Variants in CNTN4 observed in about 807,000 individuals in gnomAD.
The protein encoded by CNTN4 is contactin-4.
CNTN4 carries 77 observed loss-of-function variants against 122.5 expected under a neutral mutation model. The ratio of observed to expected loss-of-function variants is 0.63; its 90% CI spans 0.52 to 0.76. CNTN4 has a LOEUF of 0.76. CNTN4 is among the 30% of genes least tolerant of loss of function. CNTN4 has a pLI of 0.00. For missense variants in CNTN4, 1,256 were observed against 1,259.1 expected, an observed-to-expected ratio of 1.00 and a Z score of 0.04; for synonymous variants, 512 against 447.0, an observed-to-expected ratio of 1.15 and a Z score of -1.83.
intron 6 of CNTN4, among the ~76,000 whole-genome samples, chr3:2,776,663 T>C (rs1382295843): frequency 2.0e-5 from 3 of 152,154 alleles, no homozygotes; most frequent in Non-Finnish European, 4.4e-5. Context: ...TCCTCTTTGG[T>C]TCCCTGGGTC....
At chr3:2,270,040 C>A (rs1278420100) in intron 2 of CNTN4, among the ~76,000 whole-genome samples, 1 of 97,044 alleles carries the variant, frequency 1.0e-5, no homozygotes, top group Non-Finnish European at 2.3e-5. Flanking sequence ...AGCTCCGCTT[C>A]CCGGGTTCAC....
At chr3:2,450,063 T>C (rs2048770478) in intron 3 of CNTN4, among the ~76,000 whole-genome samples, 1 of 152,188 alleles carries the variant, frequency 6.6e-6, no homozygotes, top group East Asian at 1.9e-4. Flanking sequence ...ATTGTCACTT[T>C]ATTTTTTGTT....
At chr3:2,204,901 T>A (rs896775102) in intron 2 of CNTN4, among the ~76,000 whole-genome samples, 4 of 152,170 alleles carry the variant, frequency 2.6e-5, no homozygotes, top group African/African-American at 9.6e-5. Context: ...GAATGTCTCA[T>A]AATTATCAGT....
chr3:2,325,205 TA>T, intron 2 of CNTN4, among the ~76,000 whole-genome samples: 1 of 152,266 alleles, frequency 6.6e-6, no homozygotes, highest in South Asian at 2.1e-4. Context: ...CAGAAGCAAA[TA>T]GGAGGATCCA....
At chr3:2,316,679 C>T (rs62243961) in intron 2 of CNTN4, among the ~76,000 whole-genome samples, 18,682 of 152,048 alleles carry the variant, frequency 0.12, 1,410 homozygotes, top group Non-Finnish European at 0.17. Context: ...TCATTTTCCC[C>T]ATTGCTTTGT....
intron 13 of CNTN4, among the ~76,000 whole-genome samples, chr3:2,967,135 G>C (rs1577435060): frequency 1.3e-5 from 2 of 152,222 alleles, no homozygotes; most frequent in East Asian, 3.9e-4. Context: ...GTGGGTTGGT[G>C]GGGAGCAGGG....
chr3:2,485,068 G>C (rs2076112739), intron 3 of CNTN4, among the ~76,000 whole-genome samples: 1 of 152,202 alleles, frequency 6.6e-6, no homozygotes, highest in African/African-American at 2.4e-5. Context: ...AGCTGCAGAG[G>C]GTGCGCCGGG....
chr3:2,949,622 G>A (rs901091112), intron 13 of CNTN4, among the ~76,000 whole-genome samples: 5 of 152,158 alleles, frequency 3.3e-5, no homozygotes, highest in Non-Finnish European at 2.9e-5. Flanking sequence ...TTGGGTGGCA[G>A]CTCCCTGGGG....
chr3:2,425,702 A>G (rs2047800585), intron 3 of CNTN4, among the ~76,000 whole-genome samples: 1 of 152,198 alleles, frequency 6.6e-6, no homozygotes, highest in Non-Finnish European at 1.5e-5. Context: ...CCTATCCATG[A>G]GCATGGAATG....
intron 13 of CNTN4, among the ~76,000 whole-genome samples, chr3:2,944,892 G>A (rs1281347931): frequency 6.6e-6 from 1 of 152,118 alleles, no homozygotes; most frequent in Non-Finnish European, 1.5e-5. Context: ...GTTGCAACTG[G>A]GATTTCAGCT....
intron 10 of CNTN4, among the ~76,000 whole-genome samples, chr3:2,900,026 T>A (rs189504576): frequency 3.2e-4 from 48 of 152,280 alleles, no homozygotes; most frequent in African/African-American, 9.6e-4. Flanking sequence ...TCTCACATTA[T>A]TTTCCTCAAA....
At chr3:2,644,682 G>A (rs536183132) in intron 4 of CNTN4, among the ~76,000 whole-genome samples, 93 of 150,000 alleles carry the variant, frequency 6.2e-4, no homozygotes, top group East Asian at 2.4e-3. Context: ...TGTCTATAGA[G>A]GAGTCACAGA....
intron 4 of CNTN4, among the ~76,000 whole-genome samples, chr3:2,575,260 C>T (rs2079608227): frequency 6.6e-6 from 1 of 152,022 alleles, no homozygotes; most frequent in African/African-American, 2.4e-5. Context: ...TGCCTGTAAT[C>T]CCAGCACTTT....
In CNTN4 at chr3:2,590,231, A is replaced by G. The variant is rs371503361; in HGVS notation, c.55+18673A>G. ...ATCCCAAGTGATCATTTGAAAACACAAATCTATCATATCACCTTTCTTCTT... is the reference window on the plus strand; with the variant it reads ...ATCCCAAGTGATCATTTGAAAACACGAATCTATCATATCACCTTTCTTCTT... On this transcript the variant is annotated intron_variant, in intron 4 of 24. Transcript: ENST00000418658. Among the ~76,000 whole-genome samples the G allele has an allele frequency of 1.6e-4, 25 of 152,256 alleles. 1 individual carries two copies. The South Asian group carries it at 5.2e-3, about 32-fold the overall frequency.
At chr3:2,417,967 G>GGA (rs1475391887) in intron 3 of CNTN4, among the ~76,000 whole-genome samples, 1 of 152,172 alleles carries the variant, frequency 6.6e-6, no homozygotes, top group Non-Finnish European at 1.5e-5. Flanking sequence ...AAGATCCGTG[G>GGA]TTGCCAGGGA....
At chr3:2,767,593 G>T (rs544254827) in intron 6 of CNTN4, among the ~76,000 whole-genome samples, 1 of 152,234 alleles carries the variant, frequency 6.6e-6, no homozygotes, top group Admixed American at 6.5e-5. Context: ...AGACAATAGA[G>T]ATAACAGTGA....
chr3:2,229,157 GTA>G (rs917892837), intron 2 of CNTN4, among the ~76,000 whole-genome samples: 8 of 152,156 alleles, frequency 5.3e-5, no homozygotes, highest in African/African-American at 1.9e-4. Flanking sequence ...CATACTAAGA[GTA>G]TATTGAACCA....
At chr3:2,627,025 A>G (rs983019414) in intron 4 of CNTN4, among the ~76,000 whole-genome samples, 1 of 152,118 alleles carries the variant, frequency 6.6e-6, no homozygotes, top group African/African-American at 2.4e-5. Flanking sequence ...CTTTGTATAT[A>G]ATTTGATTTG....
At chr3:2,920,031 G>A (rs144468726) in intron 12 of CNTN4, among the ~76,000 whole-genome samples, 1 of 152,164 alleles carries the variant, frequency 6.6e-6, no homozygotes, top group African/African-American at 2.4e-5. Context: ...AGAGAAAGAT[G>A]AGAGATCTTG....
Sources: gnomAD v4.1 joint callset for allele counts (sites outside exome capture counted in the v4.1 genomes callset) on GRCh38, gnomAD v4.1.1 for gene constraint, MANE v1.5 for transcripts, NCBI Gene and HGNC (gene_info 2026-07-23, HGNC 2026-07-21) for gene names.